Variants in ZNF821 observed in about 807,000 individuals in gnomAD.
ZNF821 encodes zinc finger protein 821.
Under a neutral mutation model 44.3 loss-of-function variants are expected in ZNF821, and 16 were observed. The observed-to-expected ratio is 0.36, with a 90% CI of 0.24 to 0.55. ZNF821 has a LOEUF of 0.55. Among genes scored for constraint, ZNF821 ranks in the 20% least tolerant of loss-of-function variants. The pLI is 0.86. For synonymous variants in ZNF821, 204 were observed against 197.6 expected (o/e 1.03, Z -0.27); for missense variants, 436 against 547.6 (o/e 0.80, Z 2.03).
chr16:71,891,361 A>G (rs2036884342), intron 1 of ZNF821: 2 of 152,238 alleles, frequency 1.3e-5, no homozygotes, highest in South Asian at 2.1e-4. Flanking sequence ...TAGCTTCTGA[A>G]TGAAACTTGT....
At chr16:71,894,627 G>A in intron 1 of ZNF821, 1 of 494,858 alleles carries the variant, frequency 2.0e-6, no homozygotes, top group Non-Finnish European at 3.6e-6. Flanking sequence ...CTGGGCTCAA[G>A]CGATCTTCCT....
At chr16:71,864,367 C>T in intron 5 of ZNF821, 125 bp from the exon 6 acceptor site, 2 of 751,446 alleles carry the variant, frequency 2.7e-6, no homozygotes, top group Non-Finnish European at 4.5e-6. Context: ...TCTTAGCTTC[C>T]CTTTGTGGGC....
At chr16:71,892,571 ATTT>A (rs986384229) in intron 1 of ZNF821, among the ~76,000 whole-genome samples, 5 of 122,456 alleles carry the variant, frequency 4.1e-5, no homozygotes, top group South Asian at 2.7e-4. Context: ...CCCGGCCAAA[ATTT>A]TTTTTTTTTT....
Position 71,863,162 on chromosome 16 carries a change from C to G in ZNF821, c.417+976G>C, listed in dbSNP as rs893081379. On this transcript the variant is annotated intron_variant, in intron 6 of 7. Transcript: ENST00000425432. The stretch of plus-strand genomic sequence containing the variant: ...CCGCCCACCTTGGCCTCCCAAGGTG[C>G]TGGGATTACAGGCGTGAGCCACTGC... 4.6e-5 allele frequency among the ~76,000 whole-genome samples: 7 copies of G among 152,228 alleles called. No individual in the cohort carries two copies. In the East Asian group the frequency reaches 1.4e-3, roughly 29 times the overall value.
intron 3 of ZNF821, among the ~76,000 whole-genome samples, chr16:71,879,383 G>C (rs1456007974): frequency 6.6e-6 from 1 of 151,820 alleles, no homozygotes; most frequent in Non-Finnish European, 1.5e-5. Context: ...CCCAGTTCAG[G>C]CGCATGGTCT....
intron 5 of ZNF821, 133 bp downstream of exon 5, chr16:71,864,770 T>A: frequency 8.9e-7 from 1 of 1,128,626 alleles, no homozygotes; most frequent in Non-Finnish European, 1.3e-6. Flanking sequence ...TCTGGTGCCA[T>A]GAAGGAAGAG....
chr16:71,861,903 G>T lies in ZNF821; in HGVS notation c.457C>A (p.Pro153Thr). The T allele has an allele frequency of 6.2e-7, 1 of 1,614,220 alleles. No homozygotes were observed. The highest frequency in any genetic ancestry group is 8.5e-7 in the Non-Finnish European group (1 of 1,180,038). The part of the protein sequence containing the change: ...AVVSAKSYMC[P>T]VCGRALSSPG... ...GAGCTAAGGGCCCGGCCACAGACAG[G>T]ACACATGTAGCTCTTGGCGCTCACC... The change falls in exon 7 of 8, where the codon CCT becomes ACT. Residue 153 changes from proline (P) to threonine (T), a missense_variant. Pro to Thr is a conservative substitution (Grantham distance 38, BLOSUM62 -1). Transcript: ENST00000425432.
At chr16:71,870,486 CT>C (rs5817794) in intron 3 of ZNF821, among the ~76,000 whole-genome samples, 4,638 of 136,580 alleles carry the variant, frequency 0.034, 228 homozygotes, top group African/African-American at 0.11. Flanking sequence ...TGGTACTTTC[CT>C]TTTTTTTTTT....
Position 71,860,041 on chromosome 16 carries a change from G to T in ZNF821, c.1216C>A (p.Gln406Lys). ...QLLGKMAFEE[Q>K]NSSSLH The stretch of plus-strand genomic sequence containing the variant: ...GTTCAGTGCAGAGAGCTGCTGTTCT[G>T]CTCTTCAAAGGCCATCTTGCCCAGA... Residue 406 changes from glutamine (Q) to lysine (K), a missense_variant, in exon 8 of 8, where the codon CAG becomes AAG. This residue lies in a region of ZNF821 where 55 missense variants were observed against 56.9 expected (regional missense o/e 0.97). Coordinates refer to ENST00000425432, the MANE Select transcript of ZNF821 (RefSeq NM_001201552.2). The surrounding 1 kb of genome is among the most constrained non-coding windows in gnomAD (Gnocchi z 7.3). The T allele has an allele frequency of 6.2e-7, 1 of 1,610,626 alleles. No individual in the cohort carries two copies.
At chr16:71,875,346 A>C (rs1359485720) in intron 3 of ZNF821, among the ~76,000 whole-genome samples, 2 of 151,494 alleles carry the variant, frequency 1.3e-5, no homozygotes, top group African/African-American at 2.4e-5. Context: ...CAGTGGTGTG[A>C]TCTTGGCTCA....
upstream of ZNF821, chr16:71,884,603 C>T (rs2036769633): frequency 6.6e-6 from 1 of 152,292 alleles, no homozygotes; most frequent in African/African-American, 2.4e-5. Flanking sequence ...CCCTCTTCGC[C>T]TCATTCCCCC....
At chr16:71,892,370 C>G (rs1441567266) in intron 1 of ZNF821, among the ~76,000 whole-genome samples, 21 of 135,428 alleles carry the variant, frequency 1.6e-4, no homozygotes, top group East Asian at 9.6e-4. Flanking sequence ...GGGTTCACAC[C>G]ATTCTCCTGC....
At chr16:71,891,033 C>G (rs1396363682) in intron 1 of ZNF821, among the ~76,000 whole-genome samples, 1 of 151,998 alleles carries the variant, frequency 6.6e-6, no homozygotes, top group East Asian at 1.9e-4. Flanking sequence ...CTCACCCTCC[C>G]AAAGTGCTGG....
chr16:71,863,149 G>A (rs925572139), intron 6 of ZNF821, among the ~76,000 whole-genome samples: 2 of 152,040 alleles, frequency 1.3e-5, no homozygotes, highest in African/African-American at 4.8e-5. Flanking sequence ...GCCCACCTTG[G>A]CCTCCCAAGG....
At chr16:71,887,259 C>CTTT (rs60449301), upstream of ZNF821, among the ~76,000 whole-genome samples, 36 of 124,840 alleles carry the variant, frequency 2.9e-4, no homozygotes, top group Admixed American at 3.6e-4. Context: ...TATATTCAAC[C>CTTT]TTTTTTTTTT....
At position 71,895,066 on chromosome 16, in the gene ZNF821, C is replaced by A. The variant is rs542158898; in HGVS notation, n.271G>T. 31 of 446,630 alleles carry A rather than the reference C, an allele frequency of 6.9e-5. No homozygotes were observed. In the East Asian group the frequency reaches 1.1e-3, roughly 16 times the overall value. 27.7% of individuals were successfully genotyped at this position (446,630 alleles called of 1,614,324 possible). A position where few individuals can be genotyped will look rare whatever the true frequency, so the allele number is the denominator to read the frequency against. ...GGCGCTGGGTGAAGAGTCAGGGATA[C>A]GCAGGCTTCGAAACCCCCTCGGCCG... On this transcript the variant is annotated non_coding_transcript_exon_variant, in exon 1 of 3. Transcript: ENST00000561700.
intron 5 of ZNF821, 141 bp downstream of exon 5, chr16:71,864,762 T>C: frequency 9.8e-7 from 1 of 1,015,724 alleles, no homozygotes; most frequent in Non-Finnish European, 1.4e-6. Context: ...GTGTGGGTTC[T>C]GGTGCCATGA....
At chr16:71,891,969 C>T (rs1438463225) in intron 1 of ZNF821, among the ~76,000 whole-genome samples, 2 of 126,090 alleles carry the variant, frequency 1.6e-5, no homozygotes, top group Non-Finnish European at 3.2e-5. Context: ...GCACTCCACC[C>T]TGGGCGACAG....
rs761051259 is a variant in ZNF821 at position 71,879,935 on chromosome 16, C to G, written c.12G>C (p.Arg4=). The G allele has an allele frequency of 3.7e-6, 6 of 1,613,484 alleles. No individual in the cohort carries two copies. The Admixed American group carries it at 1.0e-4, about 27-fold the overall frequency. The part of the protein sequence containing the change: MSR[R]KQTNPNKVHW... Reference sequence around the variant, plus strand: ...GAACTTTATTTGGATTTGTCTGTTTCCGACGGGACATGTTTCCCTGATGCA... The same window carrying G: ...GAACTTTATTTGGATTTGTCTGTTTGCGACGGGACATGTTTCCCTGATGCA... The change falls in exon 3 of 8, where the codon CGG becomes CGC. Residue 4 remains arginine, a synonymous_variant. Coordinates refer to ENST00000425432, the MANE Select transcript of ZNF821 (RefSeq NM_001201552.2).
Sources: gnomAD v4.1 joint callset for allele counts (sites outside exome capture counted in the v4.1 genomes callset) on GRCh38, gnomAD v4.1.1 for gene constraint, gnomAD v4.1.1 regional missense constraint, Gnocchi (gnomAD v3.1) non-coding constraint, MANE v1.5 for transcripts, NCBI Gene and HGNC (gene_info 2026-07-23, HGNC 2026-07-21) for gene names.